The following SRGAP1 variants were observed in gnomAD, a reference collection of about 807,000 sequenced individuals.
SRGAP1 encodes the protein SLIT-ROBO Rho GTPase-activating protein 1.
A neutral mutation model predicts 121.9 loss-of-function variants in SRGAP1; 43 were observed. That is an observed-to-expected ratio of 0.35 (90% CI 0.28 to 0.46). The LOEUF is 0.46. Among genes scored for constraint, SRGAP1 ranks in the 20% least tolerant of loss-of-function variants. The pLI is 1.00. For synonymous variants in SRGAP1, 447 were observed against 485.4 expected (o/e 0.92, Z 1.04); for missense variants, 1,102 against 1,350.9 (o/e 0.82, Z 2.89).
chr12:64,061,478 T>C (rs2035449182), intron 6 of SRGAP1, among the ~76,000 whole-genome samples: 1 of 152,230 alleles, frequency 6.6e-6, no homozygotes. Context: ...AAAACTTGAA[T>C]GCTATTTTTC....
intron 2 of SRGAP1, among the ~76,000 whole-genome samples, chr12:63,987,872 G>A (rs572158715): frequency 1.4e-4 from 21 of 152,086 alleles, no homozygotes; most frequent in Non-Finnish European, 2.4e-4. Context: ...TGTATACAAG[G>A]CATTATTATA....
intron 1 of SRGAP1, among the ~76,000 whole-genome samples, chr12:63,861,334 C>T (rs1330399143): frequency 6.9e-6 from 1 of 144,200 alleles, no homozygotes; most frequent in African/African-American, 2.6e-5. Flanking sequence ...AAGTCTTGCT[C>T]TGTTGCCCAG....
At chr12:63,949,392 ATTAT>A (rs2032207770) in intron 1 of SRGAP1, among the ~76,000 whole-genome samples, 2 of 99,722 alleles carry the variant, frequency 2.0e-5, no homozygotes, top group African/African-American at 7.9e-5. Context: ...AGACATTTTT[ATTAT>A]TTATTATTAT....
rs185741965 is a variant in SRGAP1, at chr12:64,100,662, A to G, written c.1813+3287A>G. 3.3e-5 allele frequency among the ~76,000 whole-genome samples: 5 copies of G among 152,296 alleles called. No homozygotes were observed. In the East Asian group the frequency reaches 9.7e-4, roughly 29 times the overall value. On this transcript the variant is annotated intron_variant, in intron 15 of 21. Transcript: ENST00000355086. ...TACTTTTAGTGCAAAGTTTTACAGA[A>G]TGGCAGGTGTTTCAAAAACATACAT... is the stretch of plus-strand genomic sequence containing the variant.
intron 2 of SRGAP1, among the ~76,000 whole-genome samples, 156 bp from the exon 3 acceptor site, chr12:63,989,754 C>A (rs1399612970): frequency 6.6e-6 from 1 of 152,248 alleles, no homozygotes; most frequent in African/African-American, 2.4e-5. Flanking sequence ...GCCTGTTCTG[C>A]TGGCTGATAA....
intron 10 of SRGAP1, among the ~76,000 whole-genome samples, chr12:64,086,722 G>T (rs1273670019): frequency 1.7e-5 from 2 of 120,254 alleles, no homozygotes; most frequent in East Asian, 5.7e-4. Context: ...TTTCTTTTCT[G>T]AAAAAAAAAA....
chr12:64,103,944 T>A (rs779534992), intron 15 of SRGAP1, among the ~76,000 whole-genome samples: 47 of 152,206 alleles, frequency 3.1e-4, no homozygotes, highest in Non-Finnish European at 1.0e-4. Context: ...TCATCTTGAA[T>A]GCCAGCTGTT....
intron 1 of SRGAP1, among the ~76,000 whole-genome samples, chr12:63,972,943 C>G (rs930670532): frequency 3.3e-5 from 5 of 151,934 alleles, no homozygotes; most frequent in Admixed American, 3.3e-4. Context: ...AGGTCAGGAG[C>G]TCGAGACCAG....
At chr12:63,967,479 T>C (rs1276419756) in intron 1 of SRGAP1, among the ~76,000 whole-genome samples, 2 of 152,182 alleles carry the variant, frequency 1.3e-5, no homozygotes, top group African/African-American at 2.4e-5. Flanking sequence ...GCAACTAGCA[T>C]GAGTCATATT....
chr12:64,090,420 C>T (rs1323945208), intron 11 of SRGAP1, among the ~76,000 whole-genome samples: 2 of 152,132 alleles, frequency 1.3e-5, no homozygotes, highest in Non-Finnish European at 2.9e-5. Flanking sequence ...CTGTATGTCC[C>T]CCAAATTAGA....
chr12:64,022,210 C>T (rs966147540), intron 4 of SRGAP1, among the ~76,000 whole-genome samples: 3 of 152,012 alleles, frequency 2.0e-5, no homozygotes, highest in Non-Finnish European at 2.9e-5. Context: ...AGTTGGCTCC[C>T]ACAGTTACAG....
At chr12:64,020,873 A>G (rs975408518) in intron 4 of SRGAP1, among the ~76,000 whole-genome samples, 19 of 150,220 alleles carry the variant, frequency 1.3e-4, no homozygotes, top group Middle Eastern at 3.5e-3. Flanking sequence ...GAAAAGAAAG[A>G]TGATTACTTC....
At chr12:64,022,899 A>G (rs915633826) in intron 4 of SRGAP1, among the ~76,000 whole-genome samples, 1 of 152,156 alleles carries the variant, frequency 6.6e-6, no homozygotes, top group Non-Finnish European at 1.5e-5. Context: ...AGAGAGAGAG[A>G]GGGGCCATAA....
At chr12:64,065,694 GC>G (rs2035526053) in intron 8 of SRGAP1, among the ~76,000 whole-genome samples, 2 of 152,288 alleles carry the variant, frequency 1.3e-5, no homozygotes, top group South Asian at 4.2e-4. Context: ...ACAGGCATGA[GC>G]CATTATGGTG....
chr12:63,878,279 T>A (rs770099521), intron 1 of SRGAP1, among the ~76,000 whole-genome samples: 7 of 152,200 alleles, frequency 4.6e-5, no homozygotes, highest in Non-Finnish European at 1.0e-4. Flanking sequence ...GCTCTTCAAT[T>A]TCTGTCACAA....
At chr12:63,960,867 G>A (rs559494571) in intron 1 of SRGAP1, among the ~76,000 whole-genome samples, 1 of 152,184 alleles carries the variant, frequency 6.6e-6, no homozygotes, top group Non-Finnish European at 1.5e-5. Context: ...GAAGAGGCAA[G>A]GAATGGATTC....
intron 6 of SRGAP1, among the ~76,000 whole-genome samples, chr12:64,060,934 A>C (rs374555010): frequency 1.3e-5 from 2 of 152,316 alleles, no homozygotes; most frequent in African/African-American, 4.8e-5. Flanking sequence ...ATCCATGGCC[A>C]ATTAGTGAGT....
chr12:64,013,055 A>G (rs1565638723), intron 3 of SRGAP1, among the ~76,000 whole-genome samples: 1 of 152,126 alleles, frequency 6.6e-6, no homozygotes, highest in Non-Finnish European at 1.5e-5. Context: ...TTGAATTCTG[A>G]TGGACTTTTA....
intron 1 of SRGAP1, among the ~76,000 whole-genome samples, chr12:63,889,451 T>C (rs1267188420): frequency 1.3e-5 from 2 of 152,064 alleles, no homozygotes; most frequent in Non-Finnish European, 2.9e-5. Context: ...AAACAGCATA[T>C]CTTGTGTGAA....
Sources: gnomAD v4.1 joint callset for allele counts (sites outside exome capture counted in the v4.1 genomes callset) on GRCh38, gnomAD v4.1.1 for gene constraint, MANE v1.5 for transcripts, NCBI Gene and HGNC (gene_info 2026-07-23, HGNC 2026-07-21) for gene names.